UNC5B: variants seen among roughly 807,000 people sequenced by gnomAD.
UNC5B encodes the protein netrin receptor UNC5B.
UNC5B carries 56 observed loss-of-function variants against 103.7 expected under a neutral mutation model. The observed-to-expected ratio is 0.54, with a 90% CI of 0.44 to 0.67. The LOEUF is 0.67. UNC5B is among the 30% of genes least tolerant of loss of function. UNC5B has a pLI of 0.00. For missense variants in UNC5B, 1,194 were observed against 1,284.5 expected (o/e 0.93, Z 1.08); for synonymous variants, 577 against 542.0 (o/e 1.06, Z -0.90).
intron 14 of UNC5B, 99 bp downstream of exon 14, chr10:71,296,059 C>A (rs1032010282): frequency 1.3e-6 from 2 of 1,502,218 alleles, no homozygotes; most frequent in East Asian, 2.3e-5. Flanking sequence ...TGTCCTGTGG[C>A]CTTACCCCTC....
rs778308772 is a variant in UNC5B at position 71,296,755 on chromosome 10, G to GGT, written c.2490+14_2490+15insTG. The GGT allele has an allele frequency of 2.4e-5, 39 of 1,594,046 alleles. 1 individual carries two copies. Among genetic ancestry groups the GGT allele is most frequent in the Admixed American group, 7.5e-5 (4 of 53,076 alleles). On this transcript the variant is annotated intron_variant, in intron 15 of 16. Coordinates refer to ENST00000335350, the MANE Select transcript of UNC5B (RefSeq NM_170744.5). ...CACTCTGGCAGAGGTGAGGGAAGTC[G>GGT]GGGCCACATATTCCAGCTGCACACC...
intron 1 of UNC5B, among the ~76,000 whole-genome samples, chr10:71,262,450 C>T (rs7072234): frequency 0.48 from 73,160 of 151,654 alleles, 17,902 homozygotes; most frequent in Middle Eastern, 0.58. Flanking sequence ...TCAGAGTCAT[C>T]GTTGGGAGGG....
intron 4 of UNC5B, 46 bp downstream of exon 4, chr10:71,285,475 C>A: frequency 6.7e-7 from 1 of 1,483,964 alleles, no homozygotes; most frequent in African/African-American, 1.4e-5. Flanking sequence ...TGTGGCCATG[C>A]CTGCAGAAGC....
intron 6 of UNC5B, among the ~76,000 whole-genome samples, 171 bp from the exon 7 acceptor site, chr10:71,288,396 TG>T (rs1845149389): frequency 1.3e-5 from 2 of 152,256 alleles, no homozygotes; most frequent in African/African-American, 4.8e-5. Context: ...CATGGGGTTA[TG>T]TGGATATCAT....
chr10:71,213,176 G>A lies in UNC5B; in HGVS notation c.79+112G>A, dbSNP rs377256852. 18 of 883,222 alleles carry A rather than the reference G, an allele frequency of 2.0e-5. No homozygotes were observed. The East Asian group carries it at 5.3e-4, about 26-fold the overall frequency. The allele number at this position is 883,222 out of a possible 1,614,324, so 54.7% of individuals were successfully genotyped here. On this transcript the variant is annotated intron_variant, in intron 1 of 16. Transcript: ENST00000335350. The surrounding 1 kb of genome is among the most constrained non-coding windows in gnomAD (Gnocchi z 4.1). ...TCGATGCGCGCAGGAAAAGCGGCAAGGGCGCCCAAGTTAGAATGTAGATTT... is the reference window on the plus strand; with the variant it reads ...TCGATGCGCGCAGGAAAAGCGGCAAAGGCGCCCAAGTTAGAATGTAGATTT...
intron 1 of UNC5B, among the ~76,000 whole-genome samples, chr10:71,255,512 G>T (rs1240031592): frequency 2.0e-5 from 3 of 152,102 alleles, no homozygotes; most frequent in Non-Finnish European, 4.4e-5. Context: ...GGAGCTTGGG[G>T]CTCTCACTTC....
chr10:71,273,743 C>T (rs892563306), intron 1 of UNC5B, among the ~76,000 whole-genome samples: 30 of 152,204 alleles, frequency 2.0e-4, no homozygotes, highest in African/African-American at 7.0e-4. Context: ...ATGGGGGACA[C>T]CAGGAAGAAC....
chr10:71,236,254 C>T (rs1002623995), intron 1 of UNC5B, among the ~76,000 whole-genome samples: 1 of 152,220 alleles, frequency 6.6e-6, no homozygotes, highest in African/African-American at 2.4e-5. Context: ...CAGGACTGGG[C>T]AAAGCCTGGG....
chr10:71,265,586 G>A (rs1481341737), intron 1 of UNC5B, among the ~76,000 whole-genome samples: 1 of 152,238 alleles, frequency 6.6e-6, no homozygotes, highest in Non-Finnish European at 1.5e-5. Context: ...GGCTTCAGCT[G>A]CATGCTGTGG....
At chr10:71,263,340 T>A (rs1338738715) in intron 1 of UNC5B, among the ~76,000 whole-genome samples, 1 of 152,092 alleles carries the variant, frequency 6.6e-6, no homozygotes, top group Non-Finnish European at 1.5e-5. Context: ...AAGCCCTCCC[T>A]CCCCAAGCCT....
intron 1 of UNC5B, among the ~76,000 whole-genome samples, chr10:71,254,806 G>T (rs573496433): frequency 6.6e-6 from 1 of 152,174 alleles, no homozygotes; most frequent in Admixed American, 6.5e-5. Context: ...GCAGCCTGGC[G>T]CCCTTAGAAA....
At chr10:71,234,478 G>A (rs1843738472) in intron 1 of UNC5B, among the ~76,000 whole-genome samples, 1 of 152,212 alleles carries the variant, frequency 6.6e-6, no homozygotes, top group South Asian at 2.1e-4. Context: ...TCACTGAAAA[G>A]TATTCTGGGG....
intron 1 of UNC5B, among the ~76,000 whole-genome samples, chr10:71,263,079 G>A (rs545485656): frequency 6.6e-6 from 1 of 152,296 alleles, no homozygotes; most frequent in African/African-American, 2.4e-5. Flanking sequence ...AGCCAGGTAG[G>A]GGTGGGAAGG....
intron 1 of UNC5B, among the ~76,000 whole-genome samples, chr10:71,269,017 C>T (rs1844584341): frequency 6.6e-6 from 1 of 152,156 alleles, no homozygotes; most frequent in Non-Finnish European, 1.5e-5. Flanking sequence ...CACGTGTGAC[C>T]GTGCGGGGGC....
At chr10:71,253,718 TG>T (rs1451154164) in intron 1 of UNC5B, among the ~76,000 whole-genome samples, 1 of 151,970 alleles carries the variant, frequency 6.6e-6, no homozygotes, top group African/African-American at 2.4e-5. Context: ...GCAGGAGAGT[TG>T]GGTGGGGGTG....
chr10:71,215,092 C>T (rs1179164894), intron 1 of UNC5B, among the ~76,000 whole-genome samples: 4 of 152,222 alleles, frequency 2.6e-5, no homozygotes, highest in Admixed American at 2.6e-4. Flanking sequence ...CATGTCCCTT[C>T]CTCCCACACA....
chr10:71,300,708 C>T lies in UNC5B; in HGVS notation c.*1431C>T, dbSNP rs543816436. On this transcript the variant is annotated 3_prime_UTR_variant, in exon 17 of 17. Coordinates refer to ENST00000335350, the MANE Select transcript of UNC5B (RefSeq NM_170744.5). ...AGAAGTCCTCTCTAGCTGCAGAAGC[C>T]TGAGCTTCCCGGTGTCAGTCAGCTC... The T allele has an allele frequency of 3.3e-5, 5 of 152,440 alleles. No homozygotes were observed. The East Asian group carries it at 9.6e-4, about 29-fold the overall frequency. 9.4% of individuals were successfully genotyped at this position (152,440 alleles called of 1,614,324 possible).
chr10:71,218,528 A>C (rs1843384880), intron 1 of UNC5B, among the ~76,000 whole-genome samples: 1 of 152,168 alleles, frequency 6.6e-6, no homozygotes, highest in Admixed American at 6.5e-5. Context: ...CTGCTGTTGG[A>C]AGGGCAGAGG....
At chr10:71,285,629 C>A (rs571308324) in intron 4 of UNC5B, among the ~76,000 whole-genome samples, 200 bp downstream of exon 4, 1 of 149,734 alleles carries the variant, frequency 6.7e-6, no homozygotes, top group African/African-American at 2.5e-5. Flanking sequence ...GCTGGGTCTG[C>A]CACAGGCATA....
Sources: allele counts gnomAD v4.1 joint callset (sites outside exome capture counted in the v4.1 genomes callset), GRCh38; gene constraint gnomAD v4.1.1; non-coding constraint Gnocchi (gnomAD v3.1); transcripts MANE v1.5; gene names NCBI Gene and HGNC (gene_info 2026-07-23, HGNC 2026-07-21).